ARHGAP20: variants seen among roughly 807,000 people sequenced by gnomAD.
The protein encoded by ARHGAP20 is rho GTPase-activating protein 20.
In ARHGAP20, 34 loss-of-function variants were observed where a neutral mutation model predicts 73.7. The ratio of observed to expected loss-of-function variants is 0.46; its 90% confidence interval spans 0.35 to 0.61. ARHGAP20 has a LOEUF of 0.61. ARHGAP20 is among the 20% of genes least tolerant of loss of function. The probability of loss-of-function intolerance (pLI) is 0.00; values close to 1 mark genes in which losing one functional copy is unlikely to be tolerated. For synonymous variants in ARHGAP20, 523 were observed against 518.2 expected (o/e 1.01, Z -0.13); for missense variants, 1,314 against 1,420.9 (o/e 0.92, Z 1.21).
intron 4 of ARHGAP20, among the ~76,000 whole-genome samples, chr11:110,616,550 C>A (rs559326649): frequency 2.0e-5 from 3 of 152,180 alleles, no homozygotes; most frequent in African/African-American, 7.2e-5. Context: ...ATTTTCTAAT[C>A]TTTTTAGAGA....
intron 7 of ARHGAP20, among the ~76,000 whole-genome samples, chr11:110,610,272 G>A (rs1044761758): frequency 4.0e-5 from 6 of 151,194 alleles, no homozygotes; most frequent in South Asian, 4.2e-4. Context: ...GAGTTCTAAA[G>A]GGCTTACTAT....
In ARHGAP20 at chr11:110,580,105, G is replaced by C. The variant is rs1259220207; in HGVS notation, c.2841C>G (p.Gly947=). ...CACTGTCTTGGGAGCTTACTGATGA[G>C]CCGGATGGGGAAGTGCCTGGGGAGG... ...SLSSPGTSPS[G]SSVSSQDSAF... Residue 947 remains glycine (G), a synonymous_variant, in exon 15 of 15, where the codon GGC becomes GGG. Transcript: ENST00000683387. 6.2e-7 allele frequency: 1 copy of C among 1,614,096 alleles called. No homozygotes were observed. Among genetic ancestry groups the C allele is most frequent in the Non-Finnish European group, 8.5e-7 (1 of 1,180,036 alleles).
intron 3 of ARHGAP20, among the ~76,000 whole-genome samples, chr11:110,625,884 T>A (rs947560463): frequency 6.6e-6 from 1 of 152,176 alleles, no homozygotes; most frequent in Non-Finnish European, 1.5e-5. Flanking sequence ...TATGGAAGTA[T>A]CCCTAAAAAT....
At chr11:110,687,035 C>CATATATATATATAT (rs142490183) in intron 2 of ARHGAP20, among the ~76,000 whole-genome samples, 1,854 of 121,808 alleles carry the variant, frequency 0.015, 72 homozygotes, top group African/African-American at 0.041. Flanking sequence ...AAGATTAAAA[C>CATATATATATATAT]ATATATATAT....
intron 8 of ARHGAP20, 126 bp downstream of exon 8, chr11:110,608,858 A>C: frequency 1.4e-6 from 1 of 731,100 alleles, no homozygotes; most frequent in Non-Finnish European, 2.2e-6. Flanking sequence ...TCTTTATTAA[A>C]TGAACACCAT....
chr11:110,649,749 T>G (rs570215485), intron 2 of ARHGAP20, among the ~76,000 whole-genome samples: 1 of 152,146 alleles, frequency 6.6e-6, no homozygotes. Context: ...AAGCCAGACC[T>G]GGAAAAACGG....
At chr11:110,608,853 A>T in intron 8 of ARHGAP20, 131 bp downstream of exon 8, 1 of 701,466 alleles carries the variant, frequency 1.4e-6, no homozygotes, top group Non-Finnish European at 2.4e-6. Flanking sequence ...ATAGATCTTT[A>T]TTAAATGAAC....
rs1293345567 is a variant in ARHGAP20 at position 110,580,703 on chromosome 11, G to C, written c.2243C>G (p.Pro748Arg). ...KDEDYLKQNQ[P>R]LQEEGKTCFK... ...ACATGTCTTTCCTTCCTCCTGGAGG[G>C]GTTGATTCTGCTTCAGATAGTCTTC... Residue 748 changes from proline to arginine, a missense_variant, in exon 15 of 15, where the codon CCC (proline) becomes CGC (arginine). Pro to Arg is a moderately radical substitution (Grantham distance 103, BLOSUM62 -2). Coordinates refer to ENST00000683387, the MANE Select transcript of ARHGAP20 (RefSeq NM_001384657.1). The C allele has an allele frequency of 1.2e-6, 2 of 1,613,904 alleles. No individual in the cohort carries two copies. Among genetic ancestry groups the C allele is most frequent in the African/African-American group, 2.7e-5 (2 of 75,016 alleles).
Position 110,606,684 on chromosome 11 carries a change from A to C in ARHGAP20, c.841T>G (p.Ser281Ala), listed in dbSNP as rs1382162868. 1 of 1,604,964 alleles carries C rather than the reference A, an allele frequency of 6.2e-7. No homozygotes were observed. Among genetic ancestry groups the C allele is most frequent in the Middle Eastern group, 1.7e-4 (1 of 5,942 alleles). The change falls in exon 9 of 15, where the codon TCA (serine) becomes GCA (alanine). Residue 281 changes from serine to alanine, a missense_variant. This residue lies in a region of ARHGAP20 where 443 missense variants were observed against 466.4 expected (regional missense o/e 0.95). Coordinates refer to ENST00000683387, the MANE Select transcript of ARHGAP20 (RefSeq NM_001384657.1). ...LRDSALLTPG[S>A]KDSTTPFNLQ... The stretch of plus-strand genomic sequence containing the variant: ...TTGAAAGGGGTGGTAGAGTCCTTTG[A>C]TCCCGGTGTCAGGAGTGCAGAGTCT...
intron 1 of ARHGAP20, among the ~76,000 whole-genome samples, chr11:110,696,665 A>G (rs554282075): frequency 6.6e-6 from 1 of 151,722 alleles, no homozygotes; most frequent in Non-Finnish European, 1.5e-5. Context: ...TAGCATATTC[A>G]TTACCCAAAT....
chr11:110,580,182 C>T lies in ARHGAP20; in HGVS notation c.2764G>A (p.Val922Ile). The T allele has an allele frequency of 6.2e-7, 1 of 1,614,124 alleles. No homozygotes were observed. Among genetic ancestry groups the T allele is most frequent in the South Asian group, 1.1e-5 (1 of 91,078 alleles). ...CAAAGGTTTAATCTTGGGGGTAAAACCTTCTCAGTGTTTTGGTTTGTGGCA... is the reference window on the plus strand; with the variant it reads ...CAAAGGTTTAATCTTGGGGGTAAAATCTTCTCAGTGTTTTGGTTTGTGGCA... ...SSATNQNTEK[V>I]LPPRLNLCPR... The change falls in exon 15 of 15, where the codon GTT becomes ATT. Residue 922 changes from valine (V) to isoleucine (I), a missense_variant. By Grantham distance (29) the Val-to-Ile change is conservative. This residue lies in a region of ARHGAP20 where 641 missense variants were observed against 636.9 expected (regional missense o/e 1.01). Coordinates refer to ENST00000683387, the MANE Select transcript of ARHGAP20 (RefSeq NM_001384657.1).
chr11:110,599,183 T>C (rs981074823), intron 9 of ARHGAP20, among the ~76,000 whole-genome samples: 5 of 152,148 alleles, frequency 3.3e-5, no homozygotes, highest in East Asian at 1.9e-4. Flanking sequence ...ACTGTAGACA[T>C]AGACATTTCT....
At position 110,604,553 on chromosome 11, in the gene ARHGAP20, G is replaced by A. The variant is rs529594170; in HGVS notation, c.964+2008C>T. ...CAGGTGCAAAGGTAGAAGAGTAGAA[G>A]ATTATTATTCTCCTCAGCCTAGTTA... is the stretch of plus-strand genomic sequence containing the variant. On this transcript the variant is annotated intron_variant, in intron 9 of 14. Coordinates refer to ENST00000683387, the MANE Select transcript of ARHGAP20 (RefSeq NM_001384657.1). Among the ~76,000 whole-genome samples, 272 of 152,202 alleles carry A rather than the reference G, an allele frequency of 1.8e-3. 4 individuals carry two copies. Among genetic ancestry groups the A allele is most frequent in the African/African-American group, 6.2e-3 (257 of 41,536 alleles).
At chr11:110,601,020 A>T (rs1272908158) in intron 9 of ARHGAP20, among the ~76,000 whole-genome samples, 2 of 152,260 alleles carry the variant, frequency 1.3e-5, no homozygotes, top group South Asian at 4.1e-4. Flanking sequence ...AATTAGAGAA[A>T]GCTTTATATT....
chr11:110,683,332 A>G (rs1005478399), intron 2 of ARHGAP20, among the ~76,000 whole-genome samples: 7 of 152,084 alleles, frequency 4.6e-5, no homozygotes, highest in Non-Finnish European at 2.9e-5. Flanking sequence ...CCTAACAATA[A>G]CAAAGAAACA....
chr11:110,695,938 TG>T (rs1950327106), intron 1 of ARHGAP20, among the ~76,000 whole-genome samples: 1 of 151,616 alleles, frequency 6.6e-6, no homozygotes, highest in Admixed American at 6.6e-5. Context: ...AACTGATGAA[TG>T]GGTAAACAAA....
At chr11:110,671,632 A>T (rs1949830319) in intron 2 of ARHGAP20, among the ~76,000 whole-genome samples, 2 of 152,274 alleles carry the variant, frequency 1.3e-5, no homozygotes, top group South Asian at 4.1e-4. Flanking sequence ...GAACTTTTTT[A>T]GATTAAAGAA....
chr11:110,696,839 T>C (rs573987255), intron 1 of ARHGAP20, among the ~76,000 whole-genome samples: 1 of 151,908 alleles, frequency 6.6e-6, no homozygotes, highest in Admixed American at 6.6e-5. Context: ...TTTTCTGTTC[T>C]GAGTTAGTTC....
chr11:110,614,649 A>T lies in ARHGAP20; in HGVS notation c.546-4T>A, dbSNP rs933771760. ...TTCTTTCTCTAGATTGATGTATCTAATCAAATGCAACAGCAACCCAAAACA... is the reference window on the plus strand; with the variant it reads ...TTCTTTCTCTAGATTGATGTATCTATTCAAATGCAACAGCAACCCAAAACA... On this transcript the variant is annotated splice_region_variant and splice_polypyrimidine_tract_variant and intron_variant, in intron 5 of 14. Coordinates refer to ENST00000683387, the MANE Select transcript of ARHGAP20 (RefSeq NM_001384657.1). 3 of 1,595,044 alleles carry T rather than the reference A, an allele frequency of 1.9e-6. No individual in the cohort carries two copies. The highest frequency in any genetic ancestry group is 2.6e-6 in the Non-Finnish European group (3 of 1,171,136).
Sources: gnomAD v4.1 joint callset for allele counts (sites outside exome capture counted in the v4.1 genomes callset) on GRCh38, gnomAD v4.1.1 for gene constraint, gnomAD v4.1.1 regional missense constraint, MANE v1.5 for transcripts, NCBI Gene and HGNC (gene_info 2026-07-23, HGNC 2026-07-21) for gene names.